The following SH3TC2 variants were observed in gnomAD, a reference collection of about 807,000 sequenced individuals.
SH3TC2 encodes the protein SH3 domain and tetratricopeptide repeats 2.
A neutral mutation model predicts 124.5 loss-of-function variants in SH3TC2; 87 were observed. That is an observed-to-expected ratio of 0.70 (90% CI 0.59 to 0.84). The LOEUF (loss-of-function observed/expected upper bound fraction) is 0.84. SH3TC2 is among the 40% of genes least tolerant of loss of function. SH3TC2 has a pLI of 0.00. For synonymous variants in SH3TC2, 634 were observed against 628.5 expected (o/e 1.01, Z -0.13); for missense variants, 1,536 against 1,566.4 (o/e 0.98, Z 0.33).
rs1754105052 is a variant in SH3TC2 at position 149,028,034 on chromosome 5, G to A, written c.1698C>T (p.Ser566=). The A allele has an allele frequency of 8.7e-6, 14 of 1,614,132 alleles. No homozygotes were observed. Among genetic ancestry groups the A allele is most frequent in the Non-Finnish European group, 1.2e-5 (14 of 1,180,034 alleles). Residue 566 remains serine, a synonymous_variant, in exon 11 of 17, where the codon TCC becomes TCT. Transcript: ENST00000515425. ...HILNGAFEDL[S]LVATLYINLA... Reference sequence around the variant, plus strand: ...AATTGATGTACAGAGTGGCCACCAAGGATAGGTCCTCAAATGCTCCATTGA... The same window carrying A: ...AATTGATGTACAGAGTGGCCACCAAAGATAGGTCCTCAAATGCTCCATTGA...
chr5:149,021,324 A>G (rs1753964953), intron 12 of SH3TC2, among the ~76,000 whole-genome samples: 1 of 152,152 alleles, frequency 6.6e-6, no homozygotes, highest in Non-Finnish European at 1.5e-5. Flanking sequence ...TGCTTGTATT[A>G]AAAGAGAAAA....
Position 149,000,826 on chromosome 5 carries a change from G to C in SH3TC2, c.*3885C>G, listed in dbSNP as rs1388133397. On this transcript the variant is annotated 3_prime_UTR_variant, in exon 17 of 17. Transcript: ENST00000515425. ...CTTCTGTTCCTCAGTTTACTCACCT[G>C]TAAAAAGAAGATAATATAATTGAGC... 2.6e-5 allele frequency among the ~76,000 whole-genome samples: 4 copies of C among 152,122 alleles called. No homozygotes were observed. In the South Asian group the frequency reaches 8.3e-4, roughly 32 times the overall value.
At chr5:149,048,259 T>A (rs1337473546) in intron 2 of SH3TC2, among the ~76,000 whole-genome samples, 1 of 152,174 alleles carries the variant, frequency 6.6e-6, no homozygotes, top group Non-Finnish European at 1.5e-5. Flanking sequence ...ACGGGGTTTA[T>A]TCCTACACTG....
At chr5:149,006,840 G>A (rs1753698303) in intron 16 of SH3TC2, 41 bp downstream of exon 16, 1 of 1,582,268 alleles carries the variant, frequency 6.3e-7, no homozygotes, top group Non-Finnish European at 8.7e-7. Context: ...GAGAATGGTT[G>A]GGTGGTGGCT....
intron 5 of SH3TC2, 107 bp from the exon 6 acceptor site, chr5:149,041,724 T>G: frequency 7.9e-7 from 1 of 1,258,870 alleles, no homozygotes; most frequent in Non-Finnish European, 1.1e-6. Flanking sequence ...CTTTTCTTCC[T>G]GGAAGTAAAG....
intron 13 of SH3TC2, among the ~76,000 whole-genome samples, chr5:149,011,631 G>A (rs547009352): frequency 6.6e-5 from 10 of 152,260 alleles, no homozygotes; most frequent in African/African-American, 2.2e-4. Context: ...GTTAAACTAC[G>A]TCATGCAAGT....
In SH3TC2 at chr5:149,001,579, C is replaced by T. The variant is rs562009786; in HGVS notation, c.*3132G>A. 16 of 152,112 alleles carry T rather than the reference C, an allele frequency of 1.1e-4. No individual in the cohort carries two copies. Among genetic ancestry groups the T allele is most frequent in the African/African-American group, 3.6e-4 (15 of 41,472 alleles). The allele number at this position is 152,112 out of a possible 1,614,324, so 9.4% of individuals were successfully genotyped here. A position where few individuals can be genotyped will look rare whatever the true frequency, so the allele number is the denominator to read the frequency against. On this transcript the variant is annotated 3_prime_UTR_variant, in exon 17 of 17. Transcript: ENST00000515425. Reference sequence around the variant, plus strand: ...ACATGTTTCCAAAGGGAATAGCTGGCCCACATTTCAAAAATGAAAATTTTA... The same window carrying T: ...ACATGTTTCCAAAGGGAATAGCTGGTCCACATTTCAAAAATGAAAATTTTA...
chr5:149,049,769 C>A (rs1754525751), intron 2 of SH3TC2, among the ~76,000 whole-genome samples: 3 of 151,036 alleles, frequency 2.0e-5, no homozygotes, highest in Admixed American at 1.3e-4. Flanking sequence ...GGCAACGGAG[C>A]AAGACCCTGT....
rs777062695 is a variant in SH3TC2, at chr5:149,040,585, G to GT, written c.805+18dup. ...AACATTATCTCCCTAACAATACTATGTTTTTGACTCAGCCATACCAATCTG... is the reference window on the plus strand; with the variant it reads ...AACATTATCTCCCTAACAATACTATGTTTTTTGACTCAGCCATACCAATCTG... On this transcript the variant is annotated intron_variant, in intron 7 of 16. Transcript: ENST00000515425. 3 of 1,606,892 alleles carry GT rather than the reference G, an allele frequency of 1.9e-6. No individual in the cohort carries two copies. In the African/African-American group the frequency reaches 4.0e-5, roughly 22 times the overall value.
At chr5:149,004,961 G>C in intron 16 of SH3TC2, 59 bp from the exon 17 acceptor site, 1 of 1,585,594 alleles carries the variant, frequency 6.3e-7, no homozygotes, top group Non-Finnish European at 8.7e-7. Flanking sequence ...TCCAGGACAG[G>C]CTAGGAGGCT....
At position 149,001,632 on chromosome 5, in the gene SH3TC2, C is replaced by A. The variant is rs185297430; in HGVS notation, c.*3079G>T. 2 of 152,084 alleles carry A rather than the reference C, an allele frequency of 1.3e-5. No homozygotes were observed. The highest frequency in any genetic ancestry group is 4.8e-5 in the African/African-American group (2 of 41,456). The allele number at this position is 152,084 out of a possible 1,614,324, so 9.4% of individuals were successfully genotyped here. On this transcript the variant is annotated 3_prime_UTR_variant, in exon 17 of 17. Coordinates refer to ENST00000515425, the MANE Select transcript of SH3TC2 (RefSeq NM_024577.4). ...CACTTTTTAAAAGAGTTTTAGCAAG[C>A]GGTTTACATATAGAATGTAGTAATT...
rs1753494363 is a variant in SH3TC2 at position 148,995,479 on chromosome 5, C to T, written c.*9232G>A. Among the ~76,000 whole-genome samples the T allele has an allele frequency of 6.6e-6, 1 of 152,156 alleles. No individual in the cohort carries two copies. Among genetic ancestry groups the T allele is most frequent in the South Asian group, 2.1e-4 (1 of 4,822 alleles). On this transcript the variant is annotated 3_prime_UTR_variant, in exon 17 of 17. Transcript: ENST00000515425. ...TGTTTGAAAATTAAGAAAAGACCTACCACAGCTATAGCAACTTATTCTAAA... is the reference window on the plus strand; with the variant it reads ...TGTTTGAAAATTAAGAAAAGACCTATCACAGCTATAGCAACTTATTCTAAA...
In SH3TC2 at chr5:149,027,072, A is replaced by C. The variant is rs750545863; in HGVS notation, c.2660T>G (p.Leu887Arg). ...VAMANLGHLSLKSWAQHPARN... is the reference protein window; with the variant it reads ...VAMANLGHLSRKSWAQHPARN... ...GGCTGGATGCTGAGCCCAGGACTTA[A>C]GGCTCAGGTGGCCAAGATTGGCCAT... The change falls in exon 11 of 17, where the codon CTT becomes CGT. Residue 887 changes from leucine to arginine, a missense_variant. By Grantham distance (102) the Leu-to-Arg change is moderately radical. This residue lies in a region of SH3TC2 where 1,102 missense variants were observed against 1,098.6 expected (regional missense o/e 1.00). Coordinates refer to ENST00000515425, the MANE Select transcript of SH3TC2 (RefSeq NM_024577.4). 2 of 1,614,184 alleles carry C rather than the reference A, an allele frequency of 1.2e-6. No homozygotes were observed. The highest frequency in any genetic ancestry group is 2.2e-5 in the South Asian group (2 of 91,086).
At chr5:149,053,821 C>A (rs1167820858) in intron 1 of SH3TC2, among the ~76,000 whole-genome samples, 1 of 151,332 alleles carries the variant, frequency 6.6e-6, no homozygotes, top group Admixed American at 6.6e-5. Flanking sequence ...TTGCTTCATC[C>A]CAGCTAAAAA....
At chr5:149,020,113 A>ACACACACACACAC (rs1753943863) in intron 12 of SH3TC2, among the ~76,000 whole-genome samples, 5 of 146,804 alleles carry the variant, frequency 3.4e-5, no homozygotes, top group Non-Finnish European at 6.0e-5. Context: ...GAAAAGGTCA[A>ACACACACACACAC]ACACACACAC....
At position 149,026,841 on chromosome 5, in the gene SH3TC2, C is replaced by A. The variant is rs569935040; in HGVS notation, c.2872+19G>T. 5.6e-6 allele frequency: 9 copies of A among 1,614,204 alleles called. No homozygotes were observed. Among genetic ancestry groups the A allele is most frequent in the Admixed American group, 5.0e-5 (3 of 60,032 alleles). Reference sequence around the variant, plus strand: ...AACACTTTTCTCTATAGCTTCCCAGCAGCATGGGACATACTTACTCTTTAG... The same window carrying A: ...AACACTTTTCTCTATAGCTTCCCAGAAGCATGGGACATACTTACTCTTTAG... On this transcript the variant is annotated intron_variant, in intron 11 of 16. Coordinates refer to ENST00000515425, the MANE Select transcript of SH3TC2 (RefSeq NM_024577.4).
At chr5:149,026,539 C>A in intron 12 of SH3TC2, 33 bp downstream of exon 12, 1 of 1,612,152 alleles carries the variant, frequency 6.2e-7, no homozygotes, top group African/African-American at 1.3e-5. Context: ...GGAAGGAAAG[C>A]TGCTTCTAGG....
chr5:149,051,745 C>T (rs978215270), intron 2 of SH3TC2, among the ~76,000 whole-genome samples: 2 of 152,188 alleles, frequency 1.3e-5, no homozygotes, highest in South Asian at 2.1e-4. Flanking sequence ...AGAGCCATCA[C>T]GTGCAGCCCA....
chr5:149,010,512 A>C, intron 13 of SH3TC2, 120 bp from the exon 14 acceptor site: 11 of 1,336,298 alleles, frequency 8.2e-6, no homozygotes, highest in East Asian at 4.9e-5. Context: ...AGTCCCCCAA[A>C]TCCTAAATGT....
Sources: gnomAD v4.1 joint callset for allele counts (sites outside exome capture counted in the v4.1 genomes callset) on GRCh38, gnomAD v4.1.1 for gene constraint, gnomAD v4.1.1 regional missense constraint, MANE v1.5 for transcripts, NCBI Gene and HGNC (gene_info 2026-07-23, HGNC 2026-07-21) for gene names.